Variants in NRG3 observed in about 807,000 individuals in gnomAD.
NRG3 encodes neuregulin 3, also known as pro-neuregulin-3, membrane-bound isoform.
NRG3 carries 31 observed loss-of-function variants against 66.9 expected under a neutral mutation model. That is an observed-to-expected ratio of 0.46 (90% confidence interval 0.35 to 0.63). The LOEUF (loss-of-function observed/expected upper bound fraction) is 0.63, where lower values mean the gene tolerates loss of function less well. NRG3 is among the 20% of genes least tolerant of loss of function. The probability of loss-of-function intolerance (pLI) is 0.00; values close to 1 mark genes in which losing one functional copy is unlikely to be tolerated. For missense variants in NRG3, 910 were observed against 878.9 expected (o/e 1.04, Z -0.45); for synonymous variants, 393 against 359.4 (o/e 1.09, Z -1.06).
intron 1 of NRG3, among the ~76,000 whole-genome samples, chr10:82,340,085 G>A (rs1045268320): frequency 2.6e-5 from 4 of 152,152 alleles, no homozygotes; most frequent in African/African-American, 9.6e-5. Flanking sequence ...GATTGACTTT[G>A]TTTGCACCGT....
intron 2 of NRG3, among the ~76,000 whole-genome samples, chr10:82,662,087 T>C (rs1367713942): frequency 6.6e-6 from 1 of 152,214 alleles, no homozygotes; most frequent in Non-Finnish European, 1.5e-5. Flanking sequence ...TTGGCGATAT[T>C]GATGTCACGT....
chr10:81,956,083 G>C (rs977406827), intron 1 of NRG3, among the ~76,000 whole-genome samples: 4 of 152,122 alleles, frequency 2.6e-5, no homozygotes, highest in Non-Finnish European at 5.9e-5. Flanking sequence ...TGTAACTTTG[G>C]TATTCATCCT....
intron 2 of NRG3, among the ~76,000 whole-genome samples, chr10:82,441,116 C>A (rs1055983279): frequency 2.0e-5 from 3 of 152,138 alleles, no homozygotes; most frequent in Admixed American, 6.5e-5. Flanking sequence ...AATATTGGAG[C>A]AATTTGTAGA....
chr10:82,870,616 T>G (rs1033832174), intron 4 of NRG3, among the ~76,000 whole-genome samples: 3 of 152,162 alleles, frequency 2.0e-5, no homozygotes, highest in African/African-American at 7.2e-5. Context: ...GGGTTCTGGA[T>G]TTGGGTCATT....
intron 7 of NRG3, among the ~76,000 whole-genome samples, chr10:82,977,507 G>A (rs1852401513): frequency 6.6e-6 from 1 of 151,730 alleles, no homozygotes; most frequent in Admixed American, 6.6e-5. Flanking sequence ...TACTTGGGAG[G>A]CTGGGGCAGG....
intron 2 of NRG3, among the ~76,000 whole-genome samples, chr10:82,623,695 C>T (rs1211571325): frequency 6.6e-6 from 1 of 152,128 alleles, no homozygotes; most frequent in Non-Finnish European, 1.5e-5. Context: ...AAAGCCTTTT[C>T]CTTCCAAAAT....
At chr10:82,205,615 G>T (rs2075079877) in intron 1 of NRG3, among the ~76,000 whole-genome samples, 1 of 152,154 alleles carries the variant, frequency 6.6e-6, no homozygotes, top group Non-Finnish European at 1.5e-5. Context: ...ATGTGGAAAA[G>T]AGCTCTGGAT....
chr10:82,047,197 C>T (rs969580851), intron 1 of NRG3, among the ~76,000 whole-genome samples: 1 of 151,446 alleles, frequency 6.6e-6, no homozygotes, highest in African/African-American at 2.4e-5. Context: ...TCCATCTGGT[C>T]CTGGACTCCT....
intron 2 of NRG3, among the ~76,000 whole-genome samples, chr10:82,514,267 A>G (rs937726830): frequency 6.6e-6 from 1 of 151,988 alleles, no homozygotes; most frequent in Admixed American, 6.6e-5. Flanking sequence ...TTGCCCATCT[A>G]TGTCTTGAAT....
At chr10:82,738,351 A>G (rs1485853683) in intron 2 of NRG3, among the ~76,000 whole-genome samples, 1 of 152,224 alleles carries the variant, frequency 6.6e-6, no homozygotes, top group Non-Finnish European at 1.5e-5. Flanking sequence ...TAGATATTGC[A>G]TATCAAACTA....
At chr10:82,710,443 A>G (rs2056589023) in intron 2 of NRG3, among the ~76,000 whole-genome samples, 1 of 151,960 alleles carries the variant, frequency 6.6e-6, no homozygotes, top group Non-Finnish European at 1.5e-5. Context: ...AAAATTAGCC[A>G]GGCGTGGTGG....
At chr10:82,645,068 C>T (rs2133840604) in intron 2 of NRG3, among the ~76,000 whole-genome samples, 1 of 152,252 alleles carries the variant, frequency 6.6e-6, no homozygotes, top group African/African-American at 2.4e-5. Context: ...AGGTTGCCTG[C>T]CTTTTCCATT....
chr10:82,708,894 C>T (rs2134369482), intron 2 of NRG3, among the ~76,000 whole-genome samples: 1 of 152,116 alleles, frequency 6.6e-6, no homozygotes, highest in East Asian at 1.9e-4. Context: ...TGTCTCTCTC[C>T]CTGCTTACTT....
At chr10:82,232,802 G>A (rs2076550745) in intron 1 of NRG3, 1 of 717,384 alleles carries the variant, frequency 1.4e-6, no homozygotes, top group Non-Finnish European at 2.6e-6. Context: ...GTGGTCAGGA[G>A]GCAGAAACAG....
intron 1 of NRG3, among the ~76,000 whole-genome samples, chr10:81,945,177 T>G (rs1256674428): frequency 6.6e-6 from 1 of 152,258 alleles, no homozygotes; most frequent in East Asian, 1.9e-4. Flanking sequence ...ATTTTGTCCA[T>G]TGTTTTGTTT....
chr10:82,611,715 G>A (rs2048328046), intron 2 of NRG3, among the ~76,000 whole-genome samples: 1 of 152,092 alleles, frequency 6.6e-6, no homozygotes, highest in Admixed American at 6.6e-5. Flanking sequence ...TGTGAATAGT[G>A]CCACAATAAA....
intron 5 of NRG3, among the ~76,000 whole-genome samples, chr10:82,951,818 C>T (rs1194643967): frequency 1.3e-5 from 2 of 152,118 alleles, no homozygotes; most frequent in African/African-American, 2.4e-5. Context: ...ATGATCATTC[C>T]TCTCAGTGAC....
chr10:82,532,892 T>G (rs1234008949), intron 2 of NRG3, among the ~76,000 whole-genome samples: 1 of 151,516 alleles, frequency 6.6e-6, no homozygotes, highest in East Asian at 1.9e-4. Flanking sequence ...CCATGAACGG[T>G]ATGCAAGGGT....
chr10:82,866,615 A>G (rs1161693166), intron 4 of NRG3, among the ~76,000 whole-genome samples: 3 of 152,190 alleles, frequency 2.0e-5, no homozygotes, highest in East Asian at 3.8e-4. Context: ...CAGAAAACCA[A>G]TGAGATTTAG....
Sources: allele counts gnomAD v4.1 joint callset (sites outside exome capture counted in the v4.1 genomes callset), GRCh38; gene constraint gnomAD v4.1.1; transcripts MANE v1.5; gene names NCBI Gene and HGNC (gene_info 2026-07-23, HGNC 2026-07-21).